Variants in DZIP1L observed in about 807,000 individuals in gnomAD.
DZIP1L encodes DAZ interacting zinc finger protein 1 like.
In DZIP1L, 90 loss-of-function variants were observed where a neutral mutation model predicts 88.7. That is an observed-to-expected ratio of 1.02 (90% CI 0.86 to 1.21). The LOEUF is 1.21. Ranked by LOEUF, DZIP1L falls within the 50% of genes most tolerant of loss-of-function variation. The pLI, the probability that DZIP1L is intolerant of heterozygous loss-of-function variation, is 0.00. For synonymous variants in DZIP1L, 363 were observed against 372.1 expected (o/e 0.98, Z 0.28); for missense variants, 932 against 955.8 (o/e 0.98, Z 0.33).
chr3:138,107,477 G>A (rs1357495181), intron 1 of DZIP1L, among the ~76,000 whole-genome samples: 1 of 152,144 alleles, frequency 6.6e-6, no homozygotes, highest in South Asian at 2.1e-4. Flanking sequence ...TTCCAGAACT[G>A]TGAGAAATAC....
chr3:138,096,770 C>CT (rs1412246435), intron 3 of DZIP1L, among the ~76,000 whole-genome samples: 1 of 151,236 alleles, frequency 6.6e-6, no homozygotes, highest in African/African-American at 2.4e-5. Flanking sequence ...GTAAGTGGTA[C>CT]TTTTTTTTTA....
chr3:138,064,852 T>G, intron 14 of DZIP1L, 85 bp from the exon 15 acceptor site: 1 of 1,512,548 alleles, frequency 6.6e-7, no homozygotes, highest in Non-Finnish European at 8.8e-7. Flanking sequence ...CAGGCTCCAG[T>G]GTGGATAGAG....
At chr3:138,081,525 G>C (rs2107773834) in intron 9 of DZIP1L, among the ~76,000 whole-genome samples, 1 of 152,316 alleles carries the variant, frequency 6.6e-6, no homozygotes. Flanking sequence ...ACAGGAGCAA[G>C]CCAGGCAAGA....
intron 2 of DZIP1L, chr3:138,102,456 C>G (rs1167844516): frequency 6.9e-7 from 1 of 1,448,246 alleles, no homozygotes; most frequent in Non-Finnish European, 9.6e-7. Flanking sequence ...TCTCCTGGCC[C>G]AGAGTCTCCA....
chr3:138,114,520 G>C lies in DZIP1L; in HGVS notation c.-82+808C>G, dbSNP rs371524379. ...ACTGGCCAGTCCTCACATCCGGGAG[G>C]GGGAGGAGAGGTGCTAGGGGCTGCA... is the stretch of plus-strand genomic sequence containing the variant. On this transcript the variant is annotated intron_variant, in intron 1 of 15. Coordinates refer to ENST00000327532, the MANE Select transcript of DZIP1L (RefSeq NM_173543.3). 3.2e-4 allele frequency among the ~76,000 whole-genome samples: 48 copies of C among 152,284 alleles called. 1 individual carries two copies. The South Asian group carries it at 9.3e-3, about 30-fold the overall frequency.
At chr3:138,105,136 T>C (rs542358629) in intron 1 of DZIP1L, among the ~76,000 whole-genome samples, 117 of 152,190 alleles carry the variant, frequency 7.7e-4, no homozygotes, top group African/African-American at 2.8e-3. Flanking sequence ...ACACACAAAA[T>C]AGGCATATAT....
chr3:138,086,410 AC>A (rs1943942710), intron 7 of DZIP1L, among the ~76,000 whole-genome samples: 1 of 152,104 alleles, frequency 6.6e-6, no homozygotes, highest in Non-Finnish European at 1.5e-5. Flanking sequence ...TGCAGGCGGA[AC>A]CTGGGGCTCT....
chr3:138,090,128 A>G (rs1014732772), intron 5 of DZIP1L, among the ~76,000 whole-genome samples: 3 of 152,176 alleles, frequency 2.0e-5, no homozygotes, highest in African/African-American at 7.2e-5. Context: ...CAACAGGGTG[A>G]GAACCCATCT....
rs1942739318 is a variant in DZIP1L at position 138,062,164 on chromosome 3, A to G, written c.*652T>C. On this transcript the variant is annotated 3_prime_UTR_variant, in exon 16 of 16. Transcript: ENST00000327532. ...AAGTGGCCATCCTCCCTTCCCACCC[A>G]TGAGTAGGCCTGCCACATATCACAA... The G allele has an allele frequency of 6.6e-6, 1 of 152,446 alleles. No homozygotes were observed. The highest frequency in any genetic ancestry group is 1.9e-4 in the East Asian group (1 of 5,186). The allele number at this position is 152,446 out of a possible 1,614,324, so 9.4% of individuals were successfully genotyped here.
intron 9 of DZIP1L, 107 bp from the exon 10 acceptor site, chr3:138,080,727 T>G: frequency 8.8e-7 from 1 of 1,130,518 alleles, no homozygotes; most frequent in South Asian, 1.4e-5. Context: ...GAGAAAACCC[T>G]CCAGTCAGTG....
intron 1 of DZIP1L, among the ~76,000 whole-genome samples, chr3:138,105,611 G>A (rs1415975704): frequency 6.6e-6 from 1 of 151,428 alleles, no homozygotes; most frequent in African/African-American, 2.4e-5. Context: ...ATAATGACAA[G>A]AAAAAAACTC....
In DZIP1L at chr3:138,063,025, G is replaced by T; in HGVS notation, c.2143-48C>A. 1 of 1,600,106 alleles carries T rather than the reference G, an allele frequency of 6.2e-7. No homozygotes were observed. On this transcript the variant is annotated intron_variant, in intron 15 of 15. Coordinates refer to ENST00000327532, the MANE Select transcript of DZIP1L (RefSeq NM_173543.3). The surrounding 1 kb of genome is among the most constrained non-coding windows in gnomAD (Gnocchi z 4.1). ...GAAAATGCATTTTGATAAGGGAGGA[G>T]GGTGGCTGAGAGCTAAGCACATTGC...
At chr3:138,090,954 G>T (rs1401168215) in intron 5 of DZIP1L, among the ~76,000 whole-genome samples, 1 of 150,974 alleles carries the variant, frequency 6.6e-6, no homozygotes, top group African/African-American at 2.4e-5. Context: ...CGTGATCTCA[G>T]TTCACTGCAA....
chr3:138,090,562 C>A (rs1944163715), intron 5 of DZIP1L, among the ~76,000 whole-genome samples: 1 of 152,152 alleles, frequency 6.6e-6, no homozygotes. Context: ...TTTAGGGAGC[C>A]CCCATCCCCA....
intron 11 of DZIP1L, 124 bp downstream of exon 11, chr3:138,077,375 G>C: frequency 1.4e-6 from 2 of 1,447,242 alleles, no homozygotes; most frequent in Non-Finnish European, 1.9e-6. Context: ...AGAGGAGCCC[G>C]GGCTGCCACA....
intron 2 of DZIP1L, among the ~76,000 whole-genome samples, chr3:138,100,332 G>A (rs1334352026): frequency 6.6e-6 from 1 of 152,220 alleles, no homozygotes; most frequent in Non-Finnish European, 1.5e-5. Context: ...AAAGGGCAGG[G>A]AAGTTCCGAG....
At chr3:138,089,077 A>G (rs1034338734) in intron 5 of DZIP1L, 10 of 985,338 alleles carry the variant, frequency 1.0e-5, no homozygotes, top group African/African-American at 1.7e-5. Flanking sequence ...ATTATTTCTT[A>G]TAATATATGA....
intron 9 of DZIP1L, 60 bp from the exon 10 acceptor site, chr3:138,080,680 G>T: frequency 6.4e-7 from 1 of 1,573,424 alleles, no homozygotes; most frequent in South Asian, 1.1e-5. Context: ...CTGACTAGAA[G>T]AAAAGTACAG....
intron 2 of DZIP1L, among the ~76,000 whole-genome samples, chr3:138,100,234 G>T (rs1944670876): frequency 6.6e-6 from 1 of 152,162 alleles, no homozygotes; most frequent in African/African-American, 2.4e-5. Context: ...ATGCATGCTT[G>T]GTGGAATCTT....
Sources: allele counts gnomAD v4.1 joint callset (sites outside exome capture counted in the v4.1 genomes callset), GRCh38; gene constraint gnomAD v4.1.1; non-coding constraint Gnocchi (gnomAD v3.1); transcripts MANE v1.5; gene names NCBI Gene and HGNC (gene_info 2026-07-23, HGNC 2026-07-21).